Variants in KIAA0825 observed in about 807,000 individuals in gnomAD.
The protein encoded by KIAA0825 is KIAA0825, also known as uncharacterized protein KIAA0825.
In KIAA0825, 119 loss-of-function variants were observed where a neutral mutation model predicts 147.6. The ratio of observed to expected loss-of-function variants is 0.81; its 90% confidence interval spans 0.69 to 0.94. KIAA0825 has a LOEUF of 0.94. KIAA0825 is among the 40% of genes least tolerant of loss of function. The pLI, the probability that KIAA0825 is intolerant of heterozygous loss-of-function variation, is 0.00. For missense variants in KIAA0825, 1,381 were observed against 1,472.7 expected, an observed-to-expected ratio of 0.94 and a Z score of 1.02; for synonymous variants, 470 against 518.1, an observed-to-expected ratio of 0.91 and a Z score of 1.26.
chr5:94,597,264 C>T (rs1321880464), intron 1 of KIAA0825, among the ~76,000 whole-genome samples: 1 of 151,838 alleles, frequency 6.6e-6, no homozygotes, highest in Non-Finnish European at 1.5e-5. Context: ...GACCATGTAC[C>T]TAGGTCATAA....
intron 2 of KIAA0825, among the ~76,000 whole-genome samples, chr5:94,548,298 T>C (rs1270262073): frequency 6.6e-6 from 1 of 152,180 alleles, no homozygotes; most frequent in Non-Finnish European, 1.5e-5. Context: ...CTAGTTTTCT[T>C]TTTGCTTGCT....
chr5:94,468,096 T>C (rs1419474837), intron 10 of KIAA0825, among the ~76,000 whole-genome samples: 1 of 152,252 alleles, frequency 6.6e-6, no homozygotes, highest in East Asian at 1.9e-4. Flanking sequence ...GGTAACTATC[T>C]GGTTATTTCC....
intron 20 of KIAA0825, among the ~76,000 whole-genome samples, chr5:94,253,702 T>C (rs1776096085): frequency 6.6e-6 from 1 of 152,082 alleles, no homozygotes; most frequent in Non-Finnish European, 1.5e-5. Flanking sequence ...TTTGTTTGGT[T>C]CCGTGAAATA....
chr5:94,495,899 A>G (rs1334046219), intron 5 of KIAA0825, among the ~76,000 whole-genome samples: 1 of 152,248 alleles, frequency 6.6e-6, no homozygotes, highest in Non-Finnish European at 1.5e-5. Context: ...ATTTGAGTAT[A>G]TAGACAAATC....
chr5:94,476,963 A>T, intron 7 of KIAA0825, 148 bp downstream of exon 7: 2 of 606,064 alleles, frequency 3.3e-6, no homozygotes, highest in Non-Finnish European at 5.7e-6. Flanking sequence ...CTCATCAAAA[A>T]CTTATAAGCC....
At chr5:94,418,571 A>G (rs369251921) in intron 14 of KIAA0825, among the ~76,000 whole-genome samples, 4 of 151,194 alleles carry the variant, frequency 2.6e-5, no homozygotes, top group African/African-American at 9.7e-5. Context: ...AGACCATAAC[A>G]TATTGCATCA....
At chr5:94,290,784 C>T (rs1197078215) in intron 20 of KIAA0825, among the ~76,000 whole-genome samples, 1 of 152,232 alleles carries the variant, frequency 6.6e-6, no homozygotes, top group Non-Finnish European at 1.5e-5. Context: ...TCCACATCCT[C>T]TCCAGCATCT....
chr5:94,401,734 C>T (rs1049782644), intron 16 of KIAA0825, among the ~76,000 whole-genome samples: 2 of 151,906 alleles, frequency 1.3e-5, no homozygotes, highest in Non-Finnish European at 2.9e-5. Flanking sequence ...TATTTGTACC[C>T]ATTTTGAAAC....
intron 20 of KIAA0825, among the ~76,000 whole-genome samples, chr5:94,313,071 G>A (rs531576256): frequency 4.0e-5 from 6 of 151,620 alleles, no homozygotes; most frequent in Non-Finnish European, 8.9e-5. Context: ...GTTTATTTTC[G>A]AAGTTATATA....
rs61572627 is a variant in KIAA0825 at position 94,428,143 on chromosome 5, TTGTGTGTGTGTGTGTGTGTGTGTGTG to T, written c.2498-10804_2498-10779del. Among the ~76,000 whole-genome samples the T allele has an allele frequency of 1.3e-3, 177 of 134,584 alleles. 2 individuals are homozygous for T. The highest frequency in any genetic ancestry group is 4.8e-3 in the African/African-American group (171 of 35,440). 88.3% of individuals were successfully genotyped at this position (134,584 alleles called of 152,430 possible). On this transcript the variant is annotated intron_variant, in intron 14 of 20. Transcript: ENST00000682413. The stretch of plus-strand genomic sequence containing the variant: ...GGAGACAGCAGAGGATAAGGTCTTG[TTGTGTGTGTGTGTGTGTGTGTGTGTG>T]TGTGTGTGTGTGTGTGTGTGTGTGT...
At chr5:94,594,547 T>C (rs1281534592) in intron 1 of KIAA0825, 3 of 743,416 alleles carry the variant, frequency 4.0e-6, no homozygotes, top group African/African-American at 1.7e-5. Context: ...AATACTGAAA[T>C]AGTTGGATCA....
intron 16 of KIAA0825, among the ~76,000 whole-genome samples, chr5:94,401,733 C>T (rs1439896733): frequency 6.6e-6 from 1 of 151,858 alleles, no homozygotes; most frequent in Admixed American, 6.6e-5. Flanking sequence ...TTATTTGTAC[C>T]CATTTTGAAA....
chr5:94,565,309 GA>G (rs907364620), intron 2 of KIAA0825, among the ~76,000 whole-genome samples: 13 of 147,560 alleles, frequency 8.8e-5, no homozygotes, highest in Admixed American at 1.4e-4. Flanking sequence ...AAAACATAGG[GA>G]AAAAAAATCC....
intron 20 of KIAA0825, among the ~76,000 whole-genome samples, chr5:94,281,490 C>T (rs1232650005): frequency 6.6e-6 from 1 of 152,044 alleles, no homozygotes; most frequent in Non-Finnish European, 1.5e-5. Context: ...TGGGTGAGGC[C>T]TAAGTGTTGG....
chr5:94,438,791 G>C (rs1396516204), intron 14 of KIAA0825, among the ~76,000 whole-genome samples: 1 of 152,120 alleles, frequency 6.6e-6, no homozygotes, highest in African/African-American at 2.4e-5. Flanking sequence ...ACAAGGAAAG[G>C]CTATGAACCT....
intron 20 of KIAA0825, among the ~76,000 whole-genome samples, chr5:94,342,436 T>G (rs911001888): frequency 3.3e-5 from 5 of 152,146 alleles, no homozygotes; most frequent in African/African-American, 1.2e-4. Flanking sequence ...ATATATAAAT[T>G]TGGAAGTCAG....
intron 20 of KIAA0825, among the ~76,000 whole-genome samples, chr5:94,323,420 G>GT (rs1780386233): frequency 6.6e-6 from 1 of 151,700 alleles, no homozygotes; most frequent in South Asian, 2.1e-4. Flanking sequence ...AACTGGTTAC[G>GT]TGTTATGTCT....
At chr5:94,286,633 G>C (rs1777674451) in intron 20 of KIAA0825, among the ~76,000 whole-genome samples, 1 of 151,966 alleles carries the variant, frequency 6.6e-6, no homozygotes, top group Non-Finnish European at 1.5e-5. Flanking sequence ...GCTCACTGCA[G>C]CCTCAAATTC....
intron 20 of KIAA0825, among the ~76,000 whole-genome samples, chr5:94,271,138 TA>T (rs1235923590): frequency 6.6e-6 from 1 of 152,162 alleles, no homozygotes; most frequent in Non-Finnish European, 1.5e-5. Context: ...CAAAATGGAC[TA>T]AAGACTTAAA....
Sources: allele counts gnomAD v4.1 joint callset (sites outside exome capture counted in the v4.1 genomes callset), GRCh38; gene constraint gnomAD v4.1.1; transcripts MANE v1.5; gene names NCBI Gene and HGNC (gene_info 2026-07-23, HGNC 2026-07-21).